The following IFI27L1 variants were observed in gnomAD, a reference collection of about 807,000 sequenced individuals.
IFI27L1 encodes the protein interferon alpha inducible protein 27 like 1, also known as interferon alpha-inducible protein 27-like protein 1.
A neutral mutation model predicts 9.2 loss-of-function variants in IFI27L1; 3 were observed. The ratio of observed to expected loss-of-function variants is 0.32; its 90% CI spans 0.15 to 0.84. The LOEUF (loss-of-function observed/expected upper bound fraction) is 0.84. IFI27L1 is among the 40% of genes least tolerant of loss of function. The probability of loss-of-function intolerance (pLI) is 0.56; values close to 1 mark genes in which losing one functional copy is unlikely to be tolerated. For synonymous variants in IFI27L1, 53 were observed against 50.0 expected (o/e 1.06, Z -0.26); for missense variants, 133 against 134.2 (o/e 0.99, Z 0.05).
chr14:94,101,773 T>C, intron 3 of IFI27L1, 41 bp from the exon 4 acceptor site: 3 of 1,607,606 alleles, frequency 1.9e-6, no homozygotes, highest in African/African-American at 1.3e-5. Context: ...TCTGGGGGAC[T>C]CCGTCCCATG....
chr14:94,102,092 C>CT, intron 4 of IFI27L1, 117 bp downstream of exon 4: 1 of 1,041,814 alleles, frequency 9.6e-7, no homozygotes, highest in Non-Finnish European at 1.5e-6. Flanking sequence ...GGCCCTTTGT[C>CT]TTTCTGTCAC....
chr14:94,081,523 C>T (rs1323930913), intron 1 of IFI27L1, 74 bp downstream of exon 1: 1 of 152,816 alleles, frequency 6.5e-6, no homozygotes, highest in Non-Finnish European at 1.5e-5. Flanking sequence ...AGAGAGGGTT[C>T]TTGGATCTTG....
chr14:94,084,592 T>A (rs1020249189), intron 1 of IFI27L1, among the ~76,000 whole-genome samples: 14 of 152,234 alleles, frequency 9.2e-5, no homozygotes, highest in African/African-American at 3.1e-4. Flanking sequence ...AGCTACCTTT[T>A]AAACATTTCG....
chr14:94,084,713 A>C (rs1567065899), intron 1 of IFI27L1, among the ~76,000 whole-genome samples: 1 of 152,192 alleles, frequency 6.6e-6, no homozygotes, highest in Non-Finnish European at 1.5e-5. Context: ...TCAAGGAACA[A>C]CACGTTTTAC....
At chr14:94,096,548 G>T (rs1049868936) in intron 1 of IFI27L1, among the ~76,000 whole-genome samples, 4 of 152,036 alleles carry the variant, frequency 2.6e-5, no homozygotes, top group African/African-American at 9.7e-5. Context: ...ACAAAAATTA[G>T]CCAGGTGTGG....
intron 1 of IFI27L1, among the ~76,000 whole-genome samples, chr14:94,093,446 C>T (rs1299192835): frequency 6.6e-6 from 1 of 152,176 alleles, no homozygotes; most frequent in African/African-American, 2.4e-5. Context: ...GTTGGGATTA[C>T]AGGCTTGAGC....
intron 1 of IFI27L1, among the ~76,000 whole-genome samples, chr14:94,093,049 C>G (rs1436553374): frequency 1.3e-5 from 2 of 152,020 alleles, no homozygotes; most frequent in African/African-American, 4.8e-5. Flanking sequence ...CCAGGAAAAT[C>G]TAATTCCAAC....
At chr14:94,082,367 C>T (rs996655000) in intron 1 of IFI27L1, among the ~76,000 whole-genome samples, 2 of 151,840 alleles carry the variant, frequency 1.3e-5, no homozygotes, top group African/African-American at 4.9e-5. Flanking sequence ...TAAGATGAGG[C>T]AGCAAATGCT....
chr14:94,093,097 A>G (rs36103194), intron 1 of IFI27L1, among the ~76,000 whole-genome samples: 43,806 of 151,220 alleles, frequency 0.29, 6,699 homozygotes, highest in East Asian at 0.5. Flanking sequence ...TCCCCTCAAA[A>G]TGCCCTTCTT....
chr14:94,088,839 G>C (rs1350747077), intron 1 of IFI27L1, among the ~76,000 whole-genome samples: 1 of 152,170 alleles, frequency 6.6e-6, no homozygotes, highest in African/African-American at 2.4e-5. Context: ...GTTAAAGGCA[G>C]TTCCTTTTAA....
chr14:94,098,519 C>T (rs561000961), intron 2 of IFI27L1, among the ~76,000 whole-genome samples: 1 of 152,338 alleles, frequency 6.6e-6, no homozygotes, highest in East Asian at 1.9e-4. Context: ...GTCACATTCA[C>T]AAGTACCAGA....
At chr14:94,082,593 G>A (rs1030982366) in intron 1 of IFI27L1, among the ~76,000 whole-genome samples, 5 of 152,224 alleles carry the variant, frequency 3.3e-5, no homozygotes, top group Non-Finnish European at 5.9e-5. Flanking sequence ...TTGGATTGAA[G>A]CCAGTGCTTG....
chr14:94,092,200 A>G lies in IFI27L1; in HGVS notation c.-51-4687A>G, dbSNP rs141538687. Among the ~76,000 whole-genome samples, 816 of 151,976 alleles carry G rather than the reference A, an allele frequency of 5.4e-3. 3 individuals carry two copies. Among genetic ancestry groups the G allele is most frequent in the Non-Finnish European group, 8.9e-3 (603 of 67,958 alleles). ...ATTTCACCCTTTGCGTTAGTGTACT[A>G]TTGATATCAAATTCAATCCTTAATA... On this transcript the variant is annotated intron_variant, in intron 1 of 4. Transcript: ENST00000555523.
At chr14:94,086,028 T>C (rs776687463) in intron 1 of IFI27L1, among the ~76,000 whole-genome samples, 59 of 152,326 alleles carry the variant, frequency 3.9e-4, no homozygotes, top group Non-Finnish European at 7.5e-4. Context: ...AATCTCATAG[T>C]TGAATTGTAA....
chr14:94,095,214 T>G (rs1446369332), intron 1 of IFI27L1, among the ~76,000 whole-genome samples: 1 of 152,104 alleles, frequency 6.6e-6, no homozygotes, highest in Admixed American at 6.6e-5. Context: ...TTTAGAGACT[T>G]TTTTAGAGAT....
At chr14:94,101,770 G>T (rs1446260857) in intron 3 of IFI27L1, 44 bp from the exon 4 acceptor site, 1 of 1,607,546 alleles carries the variant, frequency 6.2e-7, no homozygotes, top group East Asian at 2.2e-5. Context: ...AAGTCTGGGG[G>T]ACTCCGTCCC....
chr14:94,092,768 T>G (rs1313879220), intron 1 of IFI27L1, among the ~76,000 whole-genome samples: 1 of 152,150 alleles, frequency 6.6e-6, no homozygotes, highest in Non-Finnish European at 1.5e-5. Flanking sequence ...ATAATTCTGA[T>G]GTGTTGTGGG....
chr14:94,096,695 G>GAAAAA, intron 1 of IFI27L1, 192 bp from the exon 2 acceptor site: 1 of 287,922 alleles, frequency 3.5e-6, no homozygotes, highest in Non-Finnish European at 6.3e-6. Flanking sequence ...CTCTGTCTCA[G>GAAAAA]AAAAAAAAAA....
At chr14:94,086,317 A>G (rs149785621) in intron 1 of IFI27L1, among the ~76,000 whole-genome samples, 135 of 152,344 alleles carry the variant, frequency 8.9e-4, no homozygotes, top group African/African-American at 3.2e-3. Context: ...TGCTTCTTGT[A>G]AAGCCTGTGG....
Sources: allele counts gnomAD v4.1 joint callset (sites outside exome capture counted in the v4.1 genomes callset), GRCh38; gene constraint gnomAD v4.1.1; transcripts MANE v1.5; gene names NCBI Gene and HGNC (gene_info 2026-07-23, HGNC 2026-07-21).